The following GAK variants were observed in gnomAD, a reference collection of about 807,000 sequenced individuals.
GAK encodes cyclin-G-associated kinase.
In GAK, 79 loss-of-function variants were observed where a neutral mutation model predicts 143.9. The observed-to-expected ratio is 0.55, with a 90% CI of 0.46 to 0.66. The LOEUF (loss-of-function observed/expected upper bound fraction) is 0.66, where lower values mean the gene tolerates loss of function less well. GAK is among the 30% of genes least tolerant of loss of function. The probability of loss-of-function intolerance (pLI) is 0.00; values close to 1 mark genes in which losing one functional copy is unlikely to be tolerated. For synonymous variants in GAK, 881 were observed against 765.5 expected, an observed-to-expected ratio of 1.15 and a Z score of -2.49; for missense variants, 1,693 against 1,779.7, an observed-to-expected ratio of 0.95 and a Z score of 0.88.
chr4:861,312 C>T (rs906787361), intron 23 of GAK, among the ~76,000 whole-genome samples: 2 of 152,152 alleles, frequency 1.3e-5, no homozygotes, highest in Non-Finnish European at 2.9e-5. Context: ...AGAGGAAGGC[C>T]GGGTGCAGCA....
Position 870,965 on chromosome 4 carries a change from C to T in GAK, c.2055-61G>A. 1.3e-5 allele frequency: 18 copies of T among 1,419,836 alleles called. No homozygotes were observed. The South Asian group carries it at 2.0e-4, about 16-fold the overall frequency. The allele number at this position is 1,419,836 out of a possible 1,614,324, so 88.0% of individuals were successfully genotyped here. On this transcript the variant is annotated intron_variant, in intron 18 of 27. Transcript: ENST00000314167. ...CCCAAGTAGTCTGTAAGTCCTTGGACATTCACTAAAGAAACGTGCATGGAA... is the reference window on the plus strand; with the variant it reads ...CCCAAGTAGTCTGTAAGTCCTTGGATATTCACTAAAGAAACGTGCATGGAA...
chr4:895,110 G>T (rs898710368), intron 7 of GAK, among the ~76,000 whole-genome samples: 8 of 152,216 alleles, frequency 5.3e-5, no homozygotes, highest in Non-Finnish European at 1.0e-4. Flanking sequence ...TGCTATGCGA[G>T]GGGCAAGGCA....
intron 5 of GAK, among the ~76,000 whole-genome samples, chr4:899,485 C>T (rs1719446492): frequency 6.6e-6 from 1 of 152,172 alleles, no homozygotes; most frequent in Non-Finnish European, 1.5e-5. Flanking sequence ...AGGTGCTCGG[C>T]ATGCACGCGG....
intron 17 of GAK, among the ~76,000 whole-genome samples, 165 bp from the exon 18 acceptor site, chr4:876,774 T>C (rs1194271547): frequency 1.3e-5 from 2 of 152,086 alleles, no homozygotes; most frequent in Non-Finnish European, 2.9e-5. Context: ...AGAGGGTCTG[T>C]GTGTGGCAGG....
At chr4:867,996 TC>T (rs774812513) in intron 20 of GAK, among the ~76,000 whole-genome samples, 2 of 152,196 alleles carry the variant, frequency 1.3e-5, no homozygotes, top group Non-Finnish European at 2.9e-5. Flanking sequence ...TCAAGGGTGC[TC>T]TGGGAACAGG....
At chr4:920,626 C>T (rs1723780954) in intron 1 of GAK, among the ~76,000 whole-genome samples, 1 of 150,560 alleles carries the variant, frequency 6.6e-6, no homozygotes, top group South Asian at 2.1e-4. Context: ...TCACTGCAAC[C>T]TCCGCCTCCC....
At chr4:899,678 T>C (rs1246550583) in intron 5 of GAK, among the ~76,000 whole-genome samples, 1 of 152,122 alleles carries the variant, frequency 6.6e-6, no homozygotes, top group Non-Finnish European at 1.5e-5. Context: ...GACAGCAAAG[T>C]GCAGAGCCGT....
chr4:902,893 T>G (rs573356273), intron 5 of GAK, among the ~76,000 whole-genome samples: 95 of 152,340 alleles, frequency 6.2e-4, no homozygotes, highest in Non-Finnish European at 1.2e-3. Context: ...GGAAGTTTAC[T>G]GAAGAGCAAG....
chr4:884,155 C>G, intron 11 of GAK, 69 bp from the exon 12 acceptor site: 1 of 1,424,218 alleles, frequency 7.0e-7, no homozygotes, highest in African/African-American at 1.4e-5. Flanking sequence ...AGGGCTTAAG[C>G]CAGAGCCCGA....
At chr4:858,827 C>T (rs6847426) in intron 24 of GAK, among the ~76,000 whole-genome samples, 2,712 of 152,246 alleles carry the variant, frequency 0.018, 73 homozygotes, top group African/African-American at 0.061. Context: ...ACAGGAGAAA[C>T]GATGAGGAGA....
intron 4 of GAK, among the ~76,000 whole-genome samples, chr4:909,055 C>T (rs2152927506): frequency 6.6e-6 from 1 of 152,306 alleles, no homozygotes; most frequent in East Asian, 1.9e-4. Context: ...CCATGTTGGC[C>T]AGGCTAGTCT....
chr4:850,766 C>T (rs779580275), intron 26 of GAK, 170 bp downstream of exon 26: 10 of 645,622 alleles, frequency 1.5e-5, no homozygotes, highest in Admixed American at 9.8e-5. Context: ...CCAGGCCCAT[C>T]GGCAGTGACA....
Position 910,633 on chromosome 4 carries a change from T to C in GAK, c.382+1040A>G, listed in dbSNP as rs561713766. ...CCTGGCTGCTGAGCAGGGGCTGGCT[T>C]GTGGACGACAGATCTCACGCGGCTA... On this transcript the variant is annotated intron_variant, in intron 4 of 27. Coordinates refer to ENST00000314167, the MANE Select transcript of GAK (RefSeq NM_005255.4). Among the ~76,000 whole-genome samples the C allele has an allele frequency of 1.6e-4, 24 of 152,168 alleles. No individual in the cohort carries two copies. In the South Asian group the frequency reaches 5.0e-3, roughly 32 times the overall value.
intron 11 of GAK, 193 bp from the exon 12 acceptor site, chr4:884,279 C>T (rs1346736240): frequency 7.0e-6 from 4 of 569,888 alleles, no homozygotes; most frequent in Admixed American, 3.2e-5. Context: ...GAGCTGACCC[C>T]TACATCAGAA....
intron 19 of GAK, chr4:869,080 G>A (rs1049962069): frequency 9.2e-6 from 2 of 216,884 alleles, no homozygotes; most frequent in Admixed American, 1.1e-4. Flanking sequence ...GGGTACACAC[G>A]AATGCACACA....
Position 868,524 on chromosome 4 carries a change from A to G in GAK, c.2395+15T>C. 1 of 1,598,918 alleles carries G rather than the reference A, an allele frequency of 6.3e-7. No individual in the cohort carries two copies. Among genetic ancestry groups the G allele is most frequent in the Non-Finnish European group, 8.5e-7 (1 of 1,177,062 alleles). On this transcript the variant is annotated intron_variant, in intron 20 of 27. Transcript: ENST00000314167. Reference sequence around the variant, plus strand: ...CTGCCCTCTGCAAGTGGCCAGGTCCAGGGACGCTGCCTACCCTGCCAGTCC... The same window carrying G: ...CTGCCCTCTGCAAGTGGCCAGGTCCGGGGACGCTGCCTACCCTGCCAGTCC...
At chr4:922,627 G>C (rs1007837804) in intron 1 of GAK, among the ~76,000 whole-genome samples, 1 of 152,038 alleles carries the variant, frequency 6.6e-6, no homozygotes, top group Non-Finnish European at 1.5e-5. Context: ...AACTGCGAGA[G>C]TGAATTTCTA....
intron 1 of GAK, among the ~76,000 whole-genome samples, chr4:928,304 C>T (rs563364321): frequency 2.0e-5 from 3 of 152,322 alleles, no homozygotes; most frequent in African/African-American, 7.2e-5. Flanking sequence ...GTGATCTGCC[C>T]ACCTCGGCCT....
intron 24 of GAK, chr4:859,097 G>T: frequency 1.1e-6 from 1 of 888,778 alleles, no homozygotes. Context: ...GGGGCATCAG[G>T]TCAGCCCAAG....
Sources: allele counts gnomAD v4.1 joint callset (sites outside exome capture counted in the v4.1 genomes callset), GRCh38; gene constraint gnomAD v4.1.1; transcripts MANE v1.5; gene names NCBI Gene and HGNC (gene_info 2026-07-23, HGNC 2026-07-21).